The following MINDY4B variants were observed in gnomAD, a reference collection of about 807,000 sequenced individuals.
MINDY4B encodes inactive ubiquitin carboxyl-terminal hydrolase MINDY-4B.
In MINDY4B, 25 loss-of-function variants were observed where a neutral mutation model predicts 16.7. The ratio of observed to expected loss-of-function variants is 1.49; its 90% CI spans 1.09 to 2.09. The LOEUF is 2.09. Among genes scored for constraint, MINDY4B ranks in the 30% most tolerant of loss-of-function variants. The pLI is 0.00. For missense variants in MINDY4B, 327 were observed against 168.4 expected, an observed-to-expected ratio of 1.94 and a Z score of -5.21; for synonymous variants, 132 against 61.9, an observed-to-expected ratio of 2.13 and a Z score of -5.32.
At position 150,898,934 on chromosome 3, in the gene MINDY4B, A is replaced by T. The variant is rs144531537; in HGVS notation, c.309+4315T>A. ...CCTGCCCACCCCTAACTTGAGGTAG[A>T]CTAATCCTCTTTAAAGCTCCTTCCC... On this transcript the variant is annotated intron_variant, in intron 3 of 11. Coordinates refer to ENST00000465419, the MANE Select transcript of MINDY4B (RefSeq NM_001351281.2). Among the ~76,000 whole-genome samples, 49 of 152,264 alleles carry T rather than the reference A, an allele frequency of 3.2e-4. No homozygotes were observed. In the East Asian group the frequency reaches 6.0e-3, roughly 19 times the overall value.
rs546754550 is a variant in MINDY4B, at chr3:150,890,939, C to T, written c.686G>A (p.Arg229Gln). Residue 229 changes from arginine to glutamine, a missense_variant and splice_region_variant, in exon 6 of 12, where the codon CGA (arginine) becomes CAA (glutamine). Physicochemically the swap from Arg to Gln is conservative, Grantham distance 43 (BLOSUM62 1). Transcript: ENST00000465419. Reference sequence around the variant, plus strand: ...CAGGACAGGGAGAACTGCACTTACTCGCTCAGTGAAATTGTCCACAGAGTA... The same window carrying T: ...CAGGACAGGGAGAACTGCACTTACTTGCTCAGTGAAATTGTCCACAGAGTA... ...PDYSVDNFTE[R>Q]LQLFEFLEKE... 17 of 702,560 alleles carry T rather than the reference C, an allele frequency of 2.4e-5. No homozygotes were observed. Among genetic ancestry groups the T allele is most frequent in the Admixed American group, 1.2e-4 (6 of 50,008 alleles). 43.5% of individuals were successfully genotyped at this position (702,560 alleles called of 1,614,324 possible).
chr3:150,902,242 G>A (rs1193810487), intron 3 of MINDY4B, among the ~76,000 whole-genome samples: 1 of 151,984 alleles, frequency 6.6e-6, no homozygotes, highest in Non-Finnish European at 1.5e-5. Flanking sequence ...GCTGGTCCTG[G>A]GTTGTTTCTA....
At chr3:150,895,348 G>A (rs1197765744) in intron 3 of MINDY4B, among the ~76,000 whole-genome samples, 1 of 152,176 alleles carries the variant, frequency 6.6e-6, no homozygotes, top group Non-Finnish European at 1.5e-5. Context: ...ACTTCAGGAG[G>A]CTGAAGATAG....
intron 3 of MINDY4B, among the ~76,000 whole-genome samples, chr3:150,900,636 T>C (rs1043354655): frequency 6.6e-6 from 1 of 150,834 alleles, no homozygotes; most frequent in Non-Finnish European, 1.5e-5. Context: ...TCCAAATTTA[T>C]TTTTTTTTAA....
chr3:150,873,266 G>T lies in MINDY4B; in HGVS notation c.1161C>A (p.Asp387Glu). The change falls in exon 11 of 12, where the codon GAC becomes GAA. Residue 387 changes from aspartate to glutamate, a missense_variant. By Grantham distance (45) the Asp-to-Glu change is conservative. Transcript: ENST00000465419. ...LFCTNRQLLS[D>E]WKMERLFDLY... The stretch of plus-strand genomic sequence containing the variant: ...GATCAAAGAGACGTTCCATTTTCCA[G>T]TCTGATAAGAGCTGCCTGTTTGTGC... The T allele has an allele frequency of 1.4e-6, 1 of 703,100 alleles. No homozygotes were observed. The highest frequency in any genetic ancestry group is 2.6e-6 in the Non-Finnish European group (1 of 384,908). 43.6% of individuals were successfully genotyped at this position (703,100 alleles called of 1,614,324 possible).
In MINDY4B at chr3:150,894,212, G is replaced by C; in HGVS notation, c.403C>G (p.Leu135Val). The change falls in exon 4 of 12, where the codon CTA becomes GTA. Residue 135 changes from leucine to valine, a missense_variant. Transcript: ENST00000465419. ...TTTCCCACTTCCAGAGTGAAAGCTAGTTCAGAAGAAGGATCATGGAACCTG... is the reference window on the plus strand; with the variant it reads ...TTTCCCACTTCCAGAGTGAAAGCTACTTCAGAAGAAGGATCATGGAACCTG... ...YFRFHDPSSELAFTLEVGKGG... is the reference protein window; with the variant it reads ...YFRFHDPSSEVAFTLEVGKGG... The C allele has an allele frequency of 2.9e-6, 2 of 700,306 alleles. No homozygotes were observed. Among genetic ancestry groups the C allele is most frequent in the Non-Finnish European group, 5.2e-6 (2 of 384,204 alleles). The allele number at this position is 700,306 out of a possible 1,614,324, so 43.4% of individuals were successfully genotyped here.
chr3:150,888,043 G>A (rs577466837), intron 7 of MINDY4B, among the ~76,000 whole-genome samples: 9 of 152,068 alleles, frequency 5.9e-5, no homozygotes, highest in Admixed American at 5.2e-4. Flanking sequence ...GGAGGCGGAG[G>A]TTGCAGTGAG....
At chr3:150,873,499 A>G (rs1717017408) in intron 10 of MINDY4B, 132 bp from the exon 11 acceptor site, 1 of 552,676 alleles carries the variant, frequency 1.8e-6, no homozygotes. Context: ...GGCACTGTAC[A>G]TAGAGCAAGA....
intron 4 of MINDY4B, among the ~76,000 whole-genome samples, chr3:150,893,697 G>T (rs9681172): frequency 0.25 from 11,604 of 46,946 alleles, 1,587 homozygotes; most frequent in African/African-American, 0.52. Context: ...GTTTTTTTTT[G>T]GGGGGGGGGG....
chr3:150,901,066 A>G (rs1421250874), intron 3 of MINDY4B: 1 of 152,212 alleles, frequency 6.6e-6, no homozygotes, highest in African/African-American at 2.4e-5. Context: ...TCAATATAGA[A>G]TCATAATTGT....
chr3:150,886,317 T>C (rs554740554), intron 7 of MINDY4B, among the ~76,000 whole-genome samples: 1 of 152,348 alleles, frequency 6.6e-6, no homozygotes, highest in East Asian at 1.9e-4. Context: ...AAAATGCATA[T>C]GCTTTTCCCT....
rs780617063 is a variant in MINDY4B, at chr3:150,873,398, A to G, written c.1060-31T>C. On this transcript the variant is annotated intron_variant, in intron 10 of 11. Coordinates refer to ENST00000465419, the MANE Select transcript of MINDY4B (RefSeq NM_001351281.2). ...AAGGGGAAGGGGAATGCAGATAAAT[A>G]TATAGATTTTGCCACATTGTGACAC... 27 of 695,382 alleles carry G rather than the reference A, an allele frequency of 3.9e-5. No individual in the cohort carries two copies. The East Asian group carries it at 5.1e-4, about 13-fold the overall frequency. 43.1% of individuals were successfully genotyped at this position (695,382 alleles called of 1,614,324 possible). A position where few individuals can be genotyped will look rare whatever the true frequency, so the allele number is the denominator to read the frequency against.
Position 150,870,882 on chromosome 3 carries a change from A to G in MINDY4B, c.*163T>C, listed in dbSNP as rs111729720. On this transcript the variant is annotated 3_prime_UTR_variant, in exon 12 of 12. Coordinates refer to ENST00000465419, the MANE Select transcript of MINDY4B (RefSeq NM_001351281.2). ...CTACAATGCTGACAGCTAGGGATTTACCAGAGACTTAAAAAATGAAAAAAC... is the reference window on the plus strand; with the variant it reads ...CTACAATGCTGACAGCTAGGGATTTGCCAGAGACTTAAAAAATGAAAAAAC... 3.9e-5 allele frequency among the ~76,000 whole-genome samples: 6 copies of G among 152,344 alleles called. No individual in the cohort carries two copies. Among genetic ancestry groups the G allele is most frequent in the African/African-American group, 1.4e-4 (6 of 41,574 alleles).
intron 7 of MINDY4B, among the ~76,000 whole-genome samples, chr3:150,885,908 C>G (rs1163828302): frequency 6.6e-6 from 1 of 152,200 alleles, no homozygotes. Context: ...TACTTACTAA[C>G]TTCTTTGAGT....
chr3:150,890,766 T>C, intron 6 of MINDY4B, 172 bp downstream of exon 6: 1 of 546,958 alleles, frequency 1.8e-6, no homozygotes, highest in South Asian at 2.6e-5. Context: ...ACAGGACTCT[T>C]TGTTGTGTCT....
At position 150,870,666 on chromosome 3, in the gene MINDY4B, C is replaced by T. The variant is rs567597214; in HGVS notation, c.*379G>A. 6.6e-5 allele frequency among the ~76,000 whole-genome samples: 10 copies of T among 152,338 alleles called. No individual in the cohort carries two copies. In the South Asian group the frequency reaches 2.1e-3, roughly 32 times the overall value. On this transcript the variant is annotated 3_prime_UTR_variant, in exon 12 of 12. Transcript: ENST00000465419. Reference sequence around the variant, plus strand: ...AAATCCGATGATGCATTACCAATGACTTCATCCCCAAATGAAAGCTAGCAG... The same window carrying T: ...AAATCCGATGATGCATTACCAATGATTTCATCCCCAAATGAAAGCTAGCAG...
chr3:150,891,213 G>C, intron 5 of MINDY4B, 110 bp from the exon 6 acceptor site: 1 of 625,900 alleles, frequency 1.6e-6, no homozygotes, highest in Non-Finnish European at 2.9e-6. Context: ...AGAGAGCAGC[G>C]ATTTACACCC....
At chr3:150,894,847 T>A (rs1711920421) in intron 3 of MINDY4B, among the ~76,000 whole-genome samples, 1 of 152,210 alleles carries the variant, frequency 6.6e-6, no homozygotes, top group South Asian at 2.1e-4. Flanking sequence ...AAAGACTGAT[T>A]GATCATTTAG....
chr3:150,871,414 G>A (rs1716964660), intron 11 of MINDY4B, among the ~76,000 whole-genome samples: 1 of 152,126 alleles, frequency 6.6e-6, no homozygotes, highest in Non-Finnish European at 1.5e-5. Flanking sequence ...CGTAGTATGT[G>A]TGTTGAAACG....
Sources: allele counts gnomAD v4.1 joint callset (sites outside exome capture counted in the v4.1 genomes callset), GRCh38; gene constraint gnomAD v4.1.1; transcripts MANE v1.5; gene names NCBI Gene and HGNC (gene_info 2026-07-23, HGNC 2026-07-21).